TNNC1: variants seen among roughly 807,000 people sequenced by gnomAD.
The protein encoded by TNNC1 is troponin C1, slow skeletal and cardiac type, also known as troponin C, slow skeletal and cardiac muscles.
Under a neutral mutation model 19.6 loss-of-function variants are expected in TNNC1, and 10 were observed. The observed-to-expected ratio is 0.51, with a 90% CI of 0.31 to 0.87. The LOEUF is 0.87. TNNC1 is among the 40% of genes least tolerant of loss of function. TNNC1 has a pLI of 0.04. For missense variants in TNNC1, 115 were observed against 219.8 expected, an observed-to-expected ratio of 0.52 and a Z score of 3.02; for synonymous variants, 85 against 80.1, an observed-to-expected ratio of 1.06 and a Z score of -0.33.
At position 52,451,664 on chromosome 3, in the gene TNNC1, G is replaced by A; in HGVS notation, c.317+80C>T. The A allele has an allele frequency of 3.2e-6, 5 of 1,575,332 alleles. No individual in the cohort carries two copies. In the South Asian group the frequency reaches 3.3e-5, roughly 10 times the overall value. On this transcript the variant is annotated intron_variant, in intron 4 of 5. Coordinates refer to ENST00000232975, the MANE Select transcript of TNNC1 (RefSeq NM_003280.3). The surrounding 1 kb of genome is among the most constrained non-coding windows in gnomAD (Gnocchi z 4.8). ...CAGGCAGAGGCCACAGGGTCCCTAG[G>A]CCTGGAATCTGAGACTGCCCTCCTG... is the stretch of plus-strand genomic sequence containing the variant.
In TNNC1 at chr3:52,451,833, C is replaced by T; in HGVS notation, c.228G>A (p.Glu76=). 2.5e-6 allele frequency: 4 copies of T among 1,614,078 alleles called. No individual in the cohort carries two copies. The highest frequency in any genetic ancestry group is 3.4e-6 in the Non-Finnish European group (4 of 1,180,008). ...TGCACCGAACCATCATGACCAGGAA[C>T]TCATCAAAGTCCACCGTGCCGCTGC... ...EDGSGTVDFD[E]FLVMMVRCMK... is the part of the protein sequence containing the mutation. Residue 76 remains glutamate (E), a synonymous_variant, in exon 4 of 6, where the codon GAG becomes GAA. Coordinates refer to ENST00000232975, the MANE Select transcript of TNNC1 (RefSeq NM_003280.3). The surrounding 1 kb of genome is among the most constrained non-coding windows in gnomAD (Gnocchi z 4.8).
In TNNC1 at chr3:52,451,256, T is replaced by G; in HGVS notation, c.*19A>C. 1 of 1,613,896 alleles carries G rather than the reference T, an allele frequency of 6.2e-7. No individual in the cohort carries two copies. The highest frequency in any genetic ancestry group is 1.1e-5 in the South Asian group (1 of 91,082). Reference sequence around the variant, plus strand: ...GAGTTGGAGGCTGGGCATAGGCAGCTCTGGGTGAAGGTCAGCATCTACTCC... The same window carrying G: ...GAGTTGGAGGCTGGGCATAGGCAGCGCTGGGTGAAGGTCAGCATCTACTCC... On this transcript the variant is annotated 3_prime_UTR_variant, in exon 6 of 6. Transcript: ENST00000232975. This position sits in a 1 kb window ranked among gnomAD's most constrained non-coding sequence, Gnocchi z 4.8.
In TNNC1 at chr3:52,451,576, C is replaced by G; in HGVS notation, c.318-49G>C. The G allele has an allele frequency of 1.2e-6, 2 of 1,611,978 alleles. No individual in the cohort carries two copies. The highest frequency in any genetic ancestry group is 1.7e-6 in the Non-Finnish European group (2 of 1,178,742). On this transcript the variant is annotated intron_variant, in intron 4 of 5. Transcript: ENST00000232975. This position sits in a 1 kb window ranked among gnomAD's most constrained non-coding sequence, Gnocchi z 4.8. Reference sequence around the variant, plus strand: ...GGGCTGTGGGGAGGGCATGAGGCAGCCCCACCCATGCCCCAGGAGGCAGAG... The same window carrying G: ...GGGCTGTGGGGAGGGCATGAGGCAGGCCCACCCATGCCCCAGGAGGCAGAG...
In TNNC1 at chr3:52,451,260, G is replaced by A; in HGVS notation, c.*15C>T. 6.2e-7 allele frequency: 1 copy of A among 1,614,026 alleles called. No individual in the cohort carries two copies. The highest frequency in any genetic ancestry group is 8.5e-7 in the Non-Finnish European group (1 of 1,179,988). On this transcript the variant is annotated 3_prime_UTR_variant, in exon 6 of 6. Coordinates refer to ENST00000232975, the MANE Select transcript of TNNC1 (RefSeq NM_003280.3). The surrounding 1 kb of genome is among the most constrained non-coding windows in gnomAD (Gnocchi z 4.8). ...TGGAGGCTGGGCATAGGCAGCTCTGGGTGAAGGTCAGCATCTACTCCACAC... is the reference window on the plus strand; with the variant it reads ...TGGAGGCTGGGCATAGGCAGCTCTGAGTGAAGGTCAGCATCTACTCCACAC...
At position 52,451,663 on chromosome 3, in the gene TNNC1, G is replaced by A; in HGVS notation, c.317+81C>T. ...TCAGGCAGAGGCCACAGGGTCCCTA[G>A]GCCTGGAATCTGAGACTGCCCTCCT... On this transcript the variant is annotated intron_variant, in intron 4 of 5. Transcript: ENST00000232975. The surrounding 1 kb of genome is among the most constrained non-coding windows in gnomAD (Gnocchi z 4.8). The A allele has an allele frequency of 1.9e-6, 3 of 1,575,988 alleles. No individual in the cohort carries two copies. Among genetic ancestry groups the A allele is most frequent in the Non-Finnish European group, 2.6e-6 (3 of 1,145,668 alleles).
Sources: gnomAD v4.1 joint callset for allele counts on GRCh38, gnomAD v4.1.1 for gene constraint, Gnocchi (gnomAD v3.1) non-coding constraint, MANE v1.5 for transcripts, NCBI Gene and HGNC (gene_info 2026-07-23, HGNC 2026-07-21) for gene names.